Variants in UBA2 observed in about 807,000 individuals in gnomAD.
The protein encoded by UBA2 is SUMO-activating enzyme subunit 2.
Under a neutral mutation model 77.2 loss-of-function variants are expected in UBA2, and 11 were observed. The observed-to-expected ratio is 0.14, with a 90% CI of 0.09 to 0.24. The LOEUF (loss-of-function observed/expected upper bound fraction) is 0.24. Ranked by LOEUF, UBA2 falls within the 10% of genes least tolerant of loss-of-function variation. UBA2 has a pLI of 1.00. For missense variants in UBA2, 487 were observed against 781.7 expected, an observed-to-expected ratio of 0.62 and a Z score of 4.50; for synonymous variants, 278 against 276.7, an observed-to-expected ratio of 1.00 and a Z score of -0.05.
intron 1 of UBA2, chr19:34,429,229 C>G: frequency 1.0e-6 from 1 of 985,438 alleles, no homozygotes; most frequent in Non-Finnish European, 1.2e-6. Flanking sequence ...AGACGGTACA[C>G]TCGCTTGTTT....
intron 14 of UBA2, among the ~76,000 whole-genome samples, chr19:34,463,327 G>A (rs2075652400): frequency 6.6e-6 from 1 of 152,160 alleles, no homozygotes; most frequent in South Asian, 2.1e-4. Flanking sequence ...TTTTAAGACT[G>A]AATTCCCAGC....
chr19:34,463,823 C>T (rs2075658853), intron 14 of UBA2, among the ~76,000 whole-genome samples: 1 of 151,528 alleles, frequency 6.6e-6, no homozygotes, highest in Non-Finnish European at 1.5e-5. Flanking sequence ...CTACTTGCCC[C>T]ATTTAAATTT....
intron 2 of UBA2, among the ~76,000 whole-genome samples, chr19:34,431,099 G>A (rs939575965): frequency 6.6e-6 from 1 of 151,980 alleles, no homozygotes; most frequent in African/African-American, 2.4e-5. Flanking sequence ...CTCCCAACCT[G>A]TTTGGCAAAC....
rs779952020 is a variant in UBA2 at position 34,452,151 on chromosome 19, C to T, written c.1038+4C>T. 11 of 1,572,664 alleles carry T rather than the reference C, an allele frequency of 7.0e-6. No homozygotes were observed. Among genetic ancestry groups the T allele is most frequent in the South Asian group, 5.9e-5 (5 of 84,886 alleles). On this transcript the variant is annotated splice_donor_region_variant and intron_variant, in intron 10 of 16. Coordinates refer to ENST00000246548, the MANE Select transcript of UBA2 (RefSeq NM_005499.3). Reference sequence around the variant, plus strand: ...AGCTGAGCTCATATGGGATAAGGTTCGTTTTGACAATGTGTGGCAAGTACT... The same window carrying T: ...AGCTGAGCTCATATGGGATAAGGTTTGTTTTGACAATGTGTGGCAAGTACT...
chr19:34,449,658 C>T (rs1473618720), intron 8 of UBA2, among the ~76,000 whole-genome samples: 2 of 152,162 alleles, frequency 1.3e-5, no homozygotes, highest in African/African-American at 2.4e-5. Context: ...ATGATAGTTT[C>T]TCAATCTACT....
chr19:34,460,579 G>T lies in UBA2; in HGVS notation c.1498+13G>T. 1.9e-6 allele frequency: 3 copies of T among 1,560,934 alleles called. No homozygotes were observed. The highest frequency in any genetic ancestry group is 1.7e-6 in the Non-Finnish European group (2 of 1,146,130). ...GGAGAGACGGAAGGTATCATACATTGTATTTATTCATTCCTCTCATTGAGG... is the reference window on the plus strand; with the variant it reads ...GGAGAGACGGAAGGTATCATACATTTTATTTATTCATTCCTCTCATTGAGG... On this transcript the variant is annotated intron_variant, in intron 14 of 16. Coordinates refer to ENST00000246548, the MANE Select transcript of UBA2 (RefSeq NM_005499.3).
intron 5 of UBA2, among the ~76,000 whole-genome samples, chr19:34,436,109 A>C (rs1170186246): frequency 9.5e-6 from 1 of 105,522 alleles, no homozygotes; most frequent in Non-Finnish European, 2.2e-5. Flanking sequence ...AACGAGCGAA[A>C]CTCTGTCTCA....
intron 1 of UBA2, chr19:34,429,165 C>A (rs770219365): frequency 9.1e-6 from 9 of 985,080 alleles, no homozygotes; most frequent in Non-Finnish European, 1.1e-5. Context: ...CCCTGGGTCA[C>A]GGAGCGAGTG....
rs2075601090 is a variant in UBA2, at chr19:34,458,846, T to C, written c.1323T>C (p.Cys441=). 2 of 1,614,098 alleles carry C rather than the reference T, an allele frequency of 1.2e-6. No homozygotes were observed. The highest frequency in any genetic ancestry group is 1.7e-6 in the Non-Finnish European group (2 of 1,180,022). Reference sequence around the variant, plus strand: ...CACTGGATCCTCCCAACCCCAATTGTTATGTATGTGCCAGCAAGCCAGAGG... The same window carrying C: ...CACTGGATCCTCCCAACCCCAATTGCTATGTATGTGCCAGCAAGCCAGAGG... The part of the protein sequence containing the change: ...PCALDPPNPN[C]YVCASKPEVT... Residue 441 remains cysteine (C), a synonymous_variant, in exon 13 of 17, where the codon TGT becomes TGC. Transcript: ENST00000246548.
chr19:34,446,312 T>G (rs1440990005), intron 8 of UBA2, among the ~76,000 whole-genome samples: 1 of 152,226 alleles, frequency 6.6e-6, no homozygotes, highest in Non-Finnish European at 1.5e-5. Context: ...ATAATTTACC[T>G]GTTGAGAGAC....
chr19:34,434,858 T>C lies in UBA2; in HGVS notation c.359-10T>C. On this transcript the variant is annotated splice_polypyrimidine_tract_variant and intron_variant, in intron 4 of 16. Transcript: ENST00000246548. ...TTCCCAAAAACTCATACTGTTTGTTTTACTTCCAGCTGCCCGAAACCATGT... is the reference window on the plus strand; with the variant it reads ...TTCCCAAAAACTCATACTGTTTGTTCTACTTCCAGCTGCCCGAAACCATGT... 3 of 1,590,158 alleles carry C rather than the reference T, an allele frequency of 1.9e-6. No homozygotes were observed. Among genetic ancestry groups the C allele is most frequent in the Non-Finnish European group, 2.6e-6 (3 of 1,165,364 alleles).
At chr19:34,441,666 A>AT (rs1236237509) in intron 6 of UBA2, among the ~76,000 whole-genome samples, 2 of 151,694 alleles carry the variant, frequency 1.3e-5, no homozygotes, top group African/African-American at 2.4e-5. Context: ...TTTGGCAAAC[A>AT]TTTTTTTTCT....
intron 9 of UBA2, 59 bp downstream of exon 9, chr19:34,450,423 T>A: frequency 8.4e-7 from 1 of 1,193,564 alleles, no homozygotes; most frequent in South Asian, 1.4e-5. Flanking sequence ...GCGTAAAGTC[T>A]TTGTATAGCC....
In UBA2 at chr19:34,444,736, G is replaced by A. The variant is rs527886125; in HGVS notation, c.650-264G>A. Among the ~76,000 whole-genome samples the A allele has an allele frequency of 2.0e-5, 3 of 152,070 alleles. No homozygotes were observed. In the East Asian group the frequency reaches 5.8e-4, roughly 29 times the overall value. On this transcript the variant is annotated intron_variant, in intron 7 of 16. Coordinates refer to ENST00000246548, the MANE Select transcript of UBA2 (RefSeq NM_005499.3). ...ACGGGAAGATGGCTTGAGCCCAAGAGGTAGAAGCTACAGTGAGCCGAGATC... is the reference window on the plus strand; with the variant it reads ...ACGGGAAGATGGCTTGAGCCCAAGAAGTAGAAGCTACAGTGAGCCGAGATC...
At chr19:34,430,462 T>TGAGG (rs2075240326) in intron 1 of UBA2, 114 bp from the exon 2 acceptor site, 1 of 622,000 alleles carries the variant, frequency 1.6e-6, no homozygotes, top group African/African-American at 1.9e-5. Context: ...GAAAAACGCT[T>TGAGG]TCTCCACTAA....
At chr19:34,433,674 CTG>C (rs1296021205) in intron 4 of UBA2, among the ~76,000 whole-genome samples, 1 of 152,108 alleles carries the variant, frequency 6.6e-6, no homozygotes, top group East Asian at 1.9e-4. Context: ...AAAAGTGTGA[CTG>C]TGGCTCAGCA....
intron 15 of UBA2, among the ~76,000 whole-genome samples, chr19:34,465,671 G>C (rs1466941920): frequency 6.6e-6 from 1 of 151,246 alleles, no homozygotes. Flanking sequence ...AGGACTGAAT[G>C]TGAGTTATTA....
chr19:34,458,709 T>C, intron 12 of UBA2, 60 bp from the exon 13 acceptor site: 2 of 1,443,682 alleles, frequency 1.4e-6, no homozygotes, highest in Non-Finnish European at 1.9e-6. Context: ...GATTTTAGAT[T>C]GTATGGCGTA....
chr19:34,458,973 T>G, intron 13 of UBA2, 49 bp downstream of exon 13: 1 of 1,519,980 alleles, frequency 6.6e-7, no homozygotes, highest in Non-Finnish European at 8.9e-7. Context: ...ACAGTATTAC[T>G]GTGATGACAA....
Sources: gnomAD v4.1 joint callset for allele counts (sites outside exome capture counted in the v4.1 genomes callset) on GRCh38, gnomAD v4.1.1 for gene constraint, MANE v1.5 for transcripts, NCBI Gene and HGNC (gene_info 2026-07-23, HGNC 2026-07-21) for gene names.